The following PEX5L variants were observed in gnomAD, a reference collection of about 807,000 sequenced individuals.
PEX5L encodes PEX5-related protein.
Under a neutral mutation model 84.0 loss-of-function variants are expected in PEX5L, and 30 were observed. The observed-to-expected ratio is 0.36, with a 90% CI of 0.27 to 0.48. PEX5L has a LOEUF of 0.48. PEX5L is among the 20% of genes least tolerant of loss of function. The pLI is 0.99. For missense variants in PEX5L, 533 were observed against 754.6 expected, an observed-to-expected ratio of 0.71 and a Z score of 3.44; for synonymous variants, 270 against 283.1, an observed-to-expected ratio of 0.95 and a Z score of 0.46.
intron 1 of PEX5L, among the ~76,000 whole-genome samples, chr3:180,010,183 G>GA (rs1789307066): frequency 6.6e-6 from 1 of 150,900 alleles, no homozygotes; most frequent in African/African-American, 2.4e-5. Context: ...CTGACCGTGT[G>GA]ATCTGTCTGC....
At chr3:179,878,673 C>G (rs1753231973) in intron 5 of PEX5L, among the ~76,000 whole-genome samples, 1 of 152,224 alleles carries the variant, frequency 6.6e-6, no homozygotes, top group Non-Finnish European at 1.5e-5. Flanking sequence ...TATCTTGAAT[C>G]TGGCAAATTC....
chr3:179,950,087 C>T (rs1342315707), intron 2 of PEX5L, among the ~76,000 whole-genome samples: 2 of 152,224 alleles, frequency 1.3e-5, no homozygotes, highest in Non-Finnish European at 2.9e-5. Context: ...CTCTCTGGCA[C>T]TGCCACCTGA....
intron 4 of PEX5L, among the ~76,000 whole-genome samples, chr3:179,885,734 T>A (rs541457712): frequency 6.6e-6 from 1 of 150,922 alleles, no homozygotes; most frequent in African/African-American, 2.4e-5. Context: ...AAACACCACA[T>A]GAATATTGGA....
At chr3:180,027,356 T>C (rs1791054952) in intron 1 of PEX5L, among the ~76,000 whole-genome samples, 1 of 152,186 alleles carries the variant, frequency 6.6e-6, no homozygotes, top group African/African-American at 2.4e-5. Context: ...TATTTTGAAA[T>C]AGTCTCTTAA....
At chr3:179,902,573 T>C (rs1176784536) in intron 2 of PEX5L, 7 of 387,196 alleles carry the variant, frequency 1.8e-5, no homozygotes, top group Admixed American at 3.2e-5. Flanking sequence ...TTTTTTATTC[T>C]GTAGATCTTA....
intron 3 of PEX5L, among the ~76,000 whole-genome samples, chr3:179,890,991 C>T (rs1274722460): frequency 2.0e-5 from 3 of 149,020 alleles, no homozygotes; most frequent in Non-Finnish European, 3.0e-5. Flanking sequence ...TTTTGGAGTC[C>T]GTCTCTTTAT....
intron 2 of PEX5L, chr3:179,900,529 T>C (rs1357620129): frequency 3.2e-6 from 2 of 616,840 alleles, no homozygotes; most frequent in East Asian, 2.8e-5. Context: ...GCAAGGGACA[T>C]GCCATTTCAC....
At chr3:179,804,054 A>T (rs1038452388) in intron 14 of PEX5L, 2 of 152,178 alleles carry the variant, frequency 1.3e-5, no homozygotes, top group African/African-American at 4.8e-5. Flanking sequence ...CTCGAGGGAA[A>T]GGAAGATCTT....
At chr3:180,029,838 C>T (rs1019876421) in intron 1 of PEX5L, among the ~76,000 whole-genome samples, 1 of 148,156 alleles carries the variant, frequency 6.7e-6, no homozygotes, top group Non-Finnish European at 1.5e-5. Flanking sequence ...TGTACATAAT[C>T]CCCTGCCGAA....
intron 8 of PEX5L, among the ~76,000 whole-genome samples, chr3:179,849,994 T>C (rs547936300): frequency 6.6e-6 from 1 of 152,332 alleles, no homozygotes; most frequent in South Asian, 2.1e-4. Flanking sequence ...ATATAGTAGA[T>C]ATCAAAAAGA....
At chr3:179,957,909 G>C (rs1780986002) in intron 2 of PEX5L, among the ~76,000 whole-genome samples, 1 of 152,104 alleles carries the variant, frequency 6.6e-6, no homozygotes, top group Admixed American at 6.6e-5. Flanking sequence ...CCTCAGAATG[G>C]GCACGTATTT....
intron 7 of PEX5L, among the ~76,000 whole-genome samples, chr3:179,867,881 T>G (rs1442156281): frequency 1.3e-5 from 2 of 152,136 alleles, no homozygotes; most frequent in African/African-American, 4.8e-5. Context: ...TAAAATTACT[T>G]AATCATATCA....
At chr3:179,955,143 A>G (rs931811927) in intron 2 of PEX5L, among the ~76,000 whole-genome samples, 8 of 152,076 alleles carry the variant, frequency 5.3e-5, no homozygotes, top group Non-Finnish European at 7.4e-5. Context: ...CTTCTTCCTG[A>G]TAGGCTGGAA....
rs1724042111 is a variant in PEX5L at position 179,811,920 on chromosome 3, C to T, written c.1084-49G>A. 6 of 1,440,196 alleles carry T rather than the reference C, an allele frequency of 4.2e-6. No individual in the cohort carries two copies. In the East Asian group the frequency reaches 6.8e-5, roughly 16 times the overall value. The allele number at this position is 1,440,196 out of a possible 1,614,324, so 89.2% of individuals were successfully genotyped here. ...CATTGCAAGATGAAGCAGAATTACTCATGTGCTTCAGTTGGTTTGTTGACC... is the reference window on the plus strand; with the variant it reads ...CATTGCAAGATGAAGCAGAATTACTTATGTGCTTCAGTTGGTTTGTTGACC... On this transcript the variant is annotated intron_variant, in intron 10 of 14. Coordinates refer to ENST00000467460, the MANE Select transcript of PEX5L (RefSeq NM_016559.3).
intron 8 of PEX5L, among the ~76,000 whole-genome samples, chr3:179,847,243 G>A (rs1048575511): frequency 6.6e-6 from 1 of 151,820 alleles, no homozygotes; most frequent in Admixed American, 6.6e-5. Context: ...TCTGTATATT[G>A]ATTGATATAT....
chr3:179,847,968 TA>T lies in PEX5L; in HGVS notation c.822+11093del, dbSNP rs1394377257. On this transcript the variant is annotated intron_variant, in intron 8 of 14. Transcript: ENST00000467460. ...CTGCCTTGGTGTTCCAACGTTTGGGTATTTTTTTTTTTTTTAAATAAAAACC... is the reference window on the plus strand; with the variant it reads ...CTGCCTTGGTGTTCCAACGTTTGGGTTTTTTTTTTTTTTTAAATAAAAACC... Among the ~76,000 whole-genome samples, 101 of 140,576 alleles carry T rather than the reference TA, an allele frequency of 7.2e-4. 2 individuals carry two copies. Among genetic ancestry groups the T allele is most frequent in the African/African-American group, 2.4e-3 (96 of 39,344 alleles). The allele number at this position is 140,576 out of a possible 152,430, so 92.2% of individuals were successfully genotyped here.
chr3:179,941,209 A>C (rs1322883881), intron 2 of PEX5L, among the ~76,000 whole-genome samples: 1 of 152,240 alleles, frequency 6.6e-6, no homozygotes, highest in Non-Finnish European at 1.5e-5. Context: ...AATATGCATA[A>C]TATACATTTA....
chr3:179,968,766 C>A (rs1361852861), intron 2 of PEX5L, among the ~76,000 whole-genome samples: 1 of 150,160 alleles, frequency 6.7e-6, no homozygotes, highest in African/African-American at 2.4e-5. Context: ...CACCTATTAC[C>A]ATAAGACATC....
intron 1 of PEX5L, among the ~76,000 whole-genome samples, chr3:180,002,755 G>C (rs1788540733): frequency 6.6e-6 from 1 of 151,994 alleles, no homozygotes; most frequent in East Asian, 1.9e-4. Flanking sequence ...AGCTGCCCTA[G>C]AATTGTGTGA....
Sources: gnomAD v4.1 joint callset for allele counts (sites outside exome capture counted in the v4.1 genomes callset) on GRCh38, gnomAD v4.1.1 for gene constraint, MANE v1.5 for transcripts, NCBI Gene and HGNC (gene_info 2026-07-23, HGNC 2026-07-21) for gene names.